CNBD1: variants seen among roughly 807,000 people sequenced by gnomAD.
CNBD1 encodes cyclic nucleotide-binding domain-containing protein 1.
CNBD1 carries 71 observed loss-of-function variants against 54.4 expected under a neutral mutation model. That is an observed-to-expected ratio of 1.30 (90% CI 1.08 to 1.59). CNBD1 has a LOEUF of 1.59. Ranked by LOEUF, CNBD1 falls within the 40% of genes most tolerant of loss-of-function variation. CNBD1 has a pLI of 0.00. For synonymous variants in CNBD1, 182 were observed against 170.7 expected (o/e 1.07, Z -0.51); for missense variants, 659 against 518.0 (o/e 1.27, Z -2.64).
intron 2 of CNBD1, among the ~76,000 whole-genome samples, chr8:86,891,027 CTCAT>C (rs762897515): frequency 2.6e-5 from 4 of 151,596 alleles, no homozygotes; most frequent in Non-Finnish European, 5.9e-5. Context: ...AATATTTTCT[CTCAT>C]TCTGTAGGTT....
intron 4 of CNBD1, among the ~76,000 whole-genome samples, chr8:86,971,155 A>G (rs1263336789): frequency 2.6e-5 from 4 of 152,218 alleles, no homozygotes; most frequent in Non-Finnish European, 2.9e-5. Context: ...AAATAGGTTT[A>G]ATTGTCTCAT....
chr8:87,229,812 C>T (rs75502488), intron 5 of CNBD1, among the ~76,000 whole-genome samples: 1 of 151,984 alleles, frequency 6.6e-6, no homozygotes, highest in African/African-American at 2.4e-5. Flanking sequence ...TTTCAAATTT[C>T]TTCTCAAATA....
intron 6 of CNBD1, among the ~76,000 whole-genome samples, chr8:87,248,704 A>G (rs1255392863): frequency 6.6e-6 from 1 of 152,220 alleles, no homozygotes; most frequent in Non-Finnish European, 1.5e-5. Context: ...TTTAAATACA[A>G]CTTTCTTTTG....
intron 4 of CNBD1, among the ~76,000 whole-genome samples, chr8:86,986,470 T>A (rs1808610132): frequency 6.6e-6 from 1 of 152,194 alleles, no homozygotes. Context: ...AGGTTCTGTT[T>A]ACTCTTTTAG....
intron 4 of CNBD1, among the ~76,000 whole-genome samples, chr8:86,970,446 C>T (rs6468587): frequency 0.73 from 110,634 of 151,992 alleles, 41,703 homozygotes; most frequent in East Asian, 0.95. Flanking sequence ...ATCTCATTCA[C>T]GGAGTTCTTT....
intron 4 of CNBD1, among the ~76,000 whole-genome samples, chr8:87,095,410 A>C (rs1360879600): frequency 6.6e-6 from 1 of 152,120 alleles, no homozygotes; most frequent in Non-Finnish European, 1.5e-5. Context: ...TTCCTATTTG[A>C]GTGTTGTCTT....
chr8:86,901,637 T>A (rs923642472), intron 2 of CNBD1, among the ~76,000 whole-genome samples: 1 of 152,218 alleles, frequency 6.6e-6, no homozygotes, highest in Non-Finnish European at 1.5e-5. Context: ...ATTGACAGTT[T>A]GTTCTTTTAG....
At chr8:87,079,722 A>G (rs550681508) in intron 4 of CNBD1, among the ~76,000 whole-genome samples, 68 of 152,226 alleles carry the variant, frequency 4.5e-4, no homozygotes, top group African/African-American at 1.6e-3. Flanking sequence ...TTGAACACAC[A>G]TATTTTGTCT....
intron 4 of CNBD1, among the ~76,000 whole-genome samples, chr8:87,064,917 T>C (rs901028093): frequency 3.3e-5 from 5 of 152,002 alleles, no homozygotes; most frequent in South Asian, 4.1e-4. Context: ...CAAAATTACA[T>C]GTATGTTAGA....
chr8:86,959,611 A>G lies in CNBD1; in HGVS notation c.431+19857A>G, dbSNP rs532744747. On this transcript the variant is annotated intron_variant, in intron 4 of 10. Coordinates refer to ENST00000518476, the MANE Select transcript of CNBD1 (RefSeq NM_173538.3). ...CATTTCATTGATTTGATCTTCAGTC[A>G]CTGATACCCTTTCTTCCACTTGATT... Among the ~76,000 whole-genome samples, 4 of 152,258 alleles carry G rather than the reference A, an allele frequency of 2.6e-5. No individual in the cohort carries two copies. The East Asian group carries it at 5.8e-4, about 22-fold the overall frequency.
chr8:87,327,282 G>A (rs1319820657), intron 8 of CNBD1, among the ~76,000 whole-genome samples: 3 of 149,016 alleles, frequency 2.0e-5, no homozygotes, highest in East Asian at 2.0e-4. Context: ...GCCCCCAGAG[G>A]TGGAGCCTAC....
At chr8:87,407,046 A>C (rs1807664274) in intron 2 of CNBD1, among the ~76,000 whole-genome samples, 2 of 152,054 alleles carry the variant, frequency 1.3e-5, no homozygotes, top group South Asian at 4.1e-4. Flanking sequence ...ATACATACAT[A>C]CAGAAGTACA....
intron 4 of CNBD1, among the ~76,000 whole-genome samples, chr8:87,132,535 T>G (rs986860805): frequency 2.7e-5 from 4 of 150,246 alleles, no homozygotes; most frequent in African/African-American, 9.7e-5. Context: ...CTTGCTGAGA[T>G]TCTTAAAACT....
intron 2 of CNBD1, among the ~76,000 whole-genome samples, chr8:87,427,850 T>G (rs1054178018): frequency 4.6e-5 from 7 of 152,154 alleles, no homozygotes; most frequent in African/African-American, 1.7e-4. Flanking sequence ...GCATGCTTTA[T>G]AATTCAATAA....
intron 5 of CNBD1, among the ~76,000 whole-genome samples, chr8:87,219,388 C>G (rs969163205): frequency 2.4e-4 from 37 of 152,138 alleles, no homozygotes; most frequent in African/African-American, 8.7e-4. Context: ...GACGTGATTA[C>G]ACAGAGATGT....
chr8:87,272,121 G>T (rs1403995747), intron 6 of CNBD1, among the ~76,000 whole-genome samples: 1 of 151,896 alleles, frequency 6.6e-6, no homozygotes, highest in Non-Finnish European at 1.5e-5. Context: ...AAGAGAGGTT[G>T]ATTAATGGGT....
At chr8:87,351,113 A>T (rs1254904967) in intron 8 of CNBD1, among the ~76,000 whole-genome samples, 1 of 152,190 alleles carries the variant, frequency 6.6e-6, no homozygotes, top group African/African-American at 2.4e-5. Flanking sequence ...CATTTTAAAG[A>T]TGAAAAATTT....
At chr8:87,362,599 A>C (rs1187440624) in intron 10 of CNBD1, among the ~76,000 whole-genome samples, 2 of 152,010 alleles carry the variant, frequency 1.3e-5, no homozygotes, top group Non-Finnish European at 2.9e-5. Flanking sequence ...ACATTCTACC[A>C]AAGATGGCCA....
intron 4 of CNBD1, among the ~76,000 whole-genome samples, chr8:87,117,915 A>G (rs1023239211): frequency 2.0e-5 from 3 of 152,194 alleles, no homozygotes; most frequent in Non-Finnish European, 2.9e-5. Flanking sequence ...AGGATATATC[A>G]TCAATGAACA....
Sources: gnomAD v4.1 joint callset for allele counts (sites outside exome capture counted in the v4.1 genomes callset) on GRCh38, gnomAD v4.1.1 for gene constraint, MANE v1.5 for transcripts, NCBI Gene and HGNC (gene_info 2026-07-23, HGNC 2026-07-21) for gene names.